Variants in CCDC171 observed in about 807,000 individuals in gnomAD.
CCDC171 encodes coiled-coil domain-containing protein 171.
A neutral mutation model predicts 168.2 loss-of-function variants in CCDC171; 177 were observed. The ratio of observed to expected loss-of-function variants is 1.05; its 90% CI spans 0.93 to 1.19. CCDC171 has a LOEUF of 1.19. Ranked by LOEUF, CCDC171 falls within the 50% of genes most tolerant of loss-of-function variation. The pLI, the probability that CCDC171 is intolerant of heterozygous loss-of-function variation, is 0.00. For synonymous variants in CCDC171, 687 were observed against 540.8 expected (o/e 1.27, Z -3.75); for missense variants, 1,991 against 1,539.0 (o/e 1.29, Z -4.91).
intron 2 of CCDC171, among the ~76,000 whole-genome samples, chr9:15,564,912 T>C (rs1447491279): frequency 6.6e-6 from 1 of 152,192 alleles, no homozygotes; most frequent in Non-Finnish European, 1.5e-5. Context: ...AAATGTATTT[T>C]ACAAAATCAT....
chr9:15,770,923 C>T (rs1233548449), intron 18 of CCDC171, among the ~76,000 whole-genome samples: 1 of 152,018 alleles, frequency 6.6e-6, no homozygotes, highest in Non-Finnish European at 1.5e-5. Flanking sequence ...AATATAATCA[C>T]ACACACACAG....
intron 21 of CCDC171, among the ~76,000 whole-genome samples, chr9:15,799,766 A>G (rs1192057419): frequency 1.3e-5 from 2 of 151,674 alleles, no homozygotes; most frequent in Non-Finnish European, 2.9e-5. Flanking sequence ...CTTCCCACAC[A>G]TTCCCCACTA....
intron 21 of CCDC171, among the ~76,000 whole-genome samples, chr9:15,833,891 A>G (rs1192902381): frequency 6.6e-6 from 1 of 152,192 alleles, no homozygotes; most frequent in Non-Finnish European, 1.5e-5. Context: ...CAGAGCTAGT[A>G]ATTAGTGGAG....
intron 1 of CCDC171, among the ~76,000 whole-genome samples, chr9:16,060,150 C>A (rs942586960): frequency 2.0e-5 from 3 of 152,180 alleles, no homozygotes; most frequent in African/African-American, 7.2e-5. Flanking sequence ...GGTCTTCTCT[C>A]TGAAGGCTAG....
At chr9:15,650,731 G>T (rs988127456) in intron 7 of CCDC171, among the ~76,000 whole-genome samples, 1 of 151,646 alleles carries the variant, frequency 6.6e-6, no homozygotes, top group Non-Finnish European at 1.5e-5. Flanking sequence ...TTTTAATTTT[G>T]TATTGTTACA....
chr9:15,631,413 A>G (rs1238689454), intron 7 of CCDC171, among the ~76,000 whole-genome samples: 2 of 152,228 alleles, frequency 1.3e-5, no homozygotes, highest in African/African-American at 4.8e-5. Flanking sequence ...AATAAACTAG[A>G]AAATCTTGAA....
At chr9:15,689,858 A>G (rs927696261) in intron 10 of CCDC171, among the ~76,000 whole-genome samples, 1 of 152,240 alleles carries the variant, frequency 6.6e-6, no homozygotes, top group African/African-American at 2.4e-5. Context: ...TTACATGTAT[A>G]TCAATGGACC....
chr9:15,574,535 T>A (rs1420063901), intron 3 of CCDC171, among the ~76,000 whole-genome samples: 1 of 151,944 alleles, frequency 6.6e-6, no homozygotes, highest in Non-Finnish European at 1.5e-5. Flanking sequence ...TGTCTCGACC[T>A]CCCAAAGTGC....
chr9:15,946,594 C>T (rs998619707), intron 25 of CCDC171, among the ~76,000 whole-genome samples: 9 of 152,102 alleles, frequency 5.9e-5, no homozygotes, highest in East Asian at 2.0e-4. Flanking sequence ...GGCCATACTG[C>T]CCAAGGTAAT....
At position 15,971,779 on chromosome 9, in the gene CCDC171, C is replaced by G. The variant is rs1831385205; in HGVS notation, c.3924C>G (p.His1308Gln). 2 of 1,614,004 alleles carry G rather than the reference C, an allele frequency of 1.2e-6. No homozygotes were observed. Residue 1308 changes from histidine to glutamine, a missense_variant, in exon 26 of 26, where the codon CAC becomes CAG. Transcript: ENST00000380701. ...TGCCCCATGCTCTGACATCATCTCA[C>G]TCCTCTCCAGTGACTATGTCTGCTA... ...NTVPHALTSS[H>Q]SSPVTMSANA...
chr9:15,854,292 A>G (rs1563875229), intron 23 of CCDC171, among the ~76,000 whole-genome samples: 1 of 150,820 alleles, frequency 6.6e-6, no homozygotes, highest in Non-Finnish European at 1.5e-5. Context: ...TAGATTTCAG[A>G]TTTTGTGTTT....
intron 3 of CCDC171, among the ~76,000 whole-genome samples, chr9:15,995,265 C>T (rs1238864715): frequency 6.6e-6 from 1 of 152,208 alleles, no homozygotes; most frequent in African/African-American, 2.4e-5. Flanking sequence ...TGGCCAAGAA[C>T]AGAACAATTG....
chr9:16,014,142 G>A (rs1362527552), intron 3 of CCDC171, among the ~76,000 whole-genome samples: 1 of 152,206 alleles, frequency 6.6e-6, no homozygotes, highest in African/African-American at 2.4e-5. Flanking sequence ...CACTGCTTTA[G>A]CAAATTAAGT....
intron 7 of CCDC171, among the ~76,000 whole-genome samples, chr9:15,655,375 T>A (rs1339749370): frequency 6.6e-6 from 1 of 152,206 alleles, no homozygotes; most frequent in Non-Finnish European, 1.5e-5. Context: ...ACATGCTGGA[T>A]GTTCCCATAG....
chr9:16,003,761 C>T (rs1832620235), intron 3 of CCDC171, among the ~76,000 whole-genome samples: 3 of 152,154 alleles, frequency 2.0e-5, no homozygotes, highest in African/African-American at 7.2e-5. Flanking sequence ...CACCCTTGAC[C>T]ATTAAGAGGT....
At chr9:15,756,100 G>A (rs2056096239) in intron 18 of CCDC171, among the ~76,000 whole-genome samples, 1 of 152,060 alleles carries the variant, frequency 6.6e-6, no homozygotes, top group South Asian at 2.1e-4. Context: ...TGAATCACAT[G>A]GTTATTCCTG....
At chr9:15,762,342 T>C (rs376241256) in intron 18 of CCDC171, among the ~76,000 whole-genome samples, 70 of 152,268 alleles carry the variant, frequency 4.6e-4, no homozygotes, top group African/African-American at 1.4e-3. Context: ...TGGCAGCTTA[T>C]AGGTATTTGC....
chr9:15,575,447 A>C (rs1230823175), intron 3 of CCDC171, among the ~76,000 whole-genome samples: 1 of 152,056 alleles, frequency 6.6e-6, no homozygotes, highest in Non-Finnish European at 1.5e-5. Flanking sequence ...GTGCTGGGAC[A>C]ACAGGTGTGA....
chr9:15,612,201 G>T (rs138249400), intron 6 of CCDC171, among the ~76,000 whole-genome samples: 5 of 152,280 alleles, frequency 3.3e-5, no homozygotes, highest in South Asian at 2.1e-4. Context: ...GATGGACTAA[G>T]ACATTGTGCC....
Sources: allele counts gnomAD v4.1 joint callset (sites outside exome capture counted in the v4.1 genomes callset), GRCh38; gene constraint gnomAD v4.1.1; transcripts MANE v1.5; gene names NCBI Gene and HGNC (gene_info 2026-07-23, HGNC 2026-07-21).